Variants in KCTD16 observed in about 807,000 individuals in gnomAD.
The protein encoded by KCTD16 is BTB/POZ domain-containing protein KCTD16.
KCTD16 carries 13 observed loss-of-function variants against 33.2 expected under a neutral mutation model. The observed-to-expected ratio is 0.39, with a 90% confidence interval of 0.25 to 0.62. The LOEUF (loss-of-function observed/expected upper bound fraction) is 0.62. Among genes scored for constraint, KCTD16 ranks in the 20% least tolerant of loss-of-function variants. The pLI is 0.50. For synonymous variants in KCTD16, 197 were observed against 195.3 expected (o/e 1.01, Z -0.07); for missense variants, 441 against 525.1 (o/e 0.84, Z 1.57).
intron 3 of KCTD16, among the ~76,000 whole-genome samples, chr5:144,358,087 C>A (rs1218580754): frequency 2.1e-5 from 3 of 143,790 alleles, no homozygotes; most frequent in Non-Finnish European, 4.5e-5. Context: ...CCACACCCGG[C>A]TAATTTTTTT....
chr5:144,326,601 A>T (rs574759221), intron 3 of KCTD16, among the ~76,000 whole-genome samples: 6 of 152,118 alleles, frequency 3.9e-5, no homozygotes, highest in African/African-American at 1.4e-4. Context: ...AATACCTCCC[A>T]CTATTCTCTT....
chr5:144,257,312 C>G (rs1015032988), intron 3 of KCTD16, among the ~76,000 whole-genome samples: 1 of 152,134 alleles, frequency 6.6e-6, no homozygotes. Context: ...TGTAAATGCT[C>G]AAGATGACAA....
intron 3 of KCTD16, among the ~76,000 whole-genome samples, chr5:144,382,017 TATAC>T (rs111382461): frequency 3.5e-4 from 52 of 149,872 alleles, no homozygotes; most frequent in Non-Finnish European, 5.2e-4. Context: ...AAGATGTTTA[TATAC>T]ATACATACAT....
At chr5:144,251,387 A>G (rs1295020205) in intron 3 of KCTD16, among the ~76,000 whole-genome samples, 1 of 152,172 alleles carries the variant, frequency 6.6e-6, no homozygotes, top group Non-Finnish European at 1.5e-5. Context: ...GAGATTATAA[A>G]CATAGGCTTA....
At chr5:144,295,355 G>A (rs1034354772) in intron 3 of KCTD16, among the ~76,000 whole-genome samples, 2 of 152,232 alleles carry the variant, frequency 1.3e-5, no homozygotes, top group Non-Finnish European at 2.9e-5. Context: ...AAAAGAATGT[G>A]TGTGCAAATA....
intron 2 of KCTD16, among the ~76,000 whole-genome samples, chr5:144,195,970 CAG>C (rs1218424255): frequency 1.3e-5 from 2 of 152,178 alleles, no homozygotes; most frequent in South Asian, 2.1e-4. Context: ...AAGTCAGACA[CAG>C]AGTGTTTTCC....
rs1351278348 is a variant in KCTD16 at position 144,438,836 on chromosome 5, G to C, written c.833-34824G>C. On this transcript the variant is annotated intron_variant, in intron 3 of 3. Transcript: ENST00000512467. ...AAAGCTTGTCAGGGGTGAGAGAAAG[G>C]ATGTACTTATCCTGTGTTTTTTGAC... Among the ~76,000 whole-genome samples, 8 of 152,218 alleles carry C rather than the reference G, an allele frequency of 5.3e-5. No homozygotes were observed. The South Asian group carries it at 6.2e-4, about 12-fold the overall frequency.
At chr5:144,281,735 T>G (rs1160327507) in intron 3 of KCTD16, among the ~76,000 whole-genome samples, 1 of 152,222 alleles carries the variant, frequency 6.6e-6, no homozygotes, top group Non-Finnish European at 1.5e-5. Flanking sequence ...TTCTATATTC[T>G]TGTTGATTTT....
chr5:144,333,206 A>T (rs1232889139), intron 3 of KCTD16, among the ~76,000 whole-genome samples: 1 of 152,238 alleles, frequency 6.6e-6, no homozygotes, highest in Non-Finnish European at 1.5e-5. Flanking sequence ...TAATTGCATT[A>T]TGAGCTTTAG....
At chr5:144,342,337 G>A (rs368732604) in intron 3 of KCTD16, among the ~76,000 whole-genome samples, 2 of 152,240 alleles carry the variant, frequency 1.3e-5, no homozygotes, top group East Asian at 1.9e-4. Flanking sequence ...CTTTGAAGCA[G>A]TTGTGAATGG....
chr5:144,301,273 A>ACATT (rs1312084541), intron 3 of KCTD16, among the ~76,000 whole-genome samples: 3 of 150,856 alleles, frequency 2.0e-5, no homozygotes, highest in Non-Finnish European at 4.4e-5. Context: ...ATCGTGAAGG[A>ACATT]CATTGAATGC....
rs1467921510 is a variant in KCTD16, at chr5:144,206,759, A to G, written c.45A>G (p.Gln15=). The G allele has an allele frequency of 6.2e-7, 1 of 1,614,126 alleles. No homozygotes were observed. Among genetic ancestry groups the G allele is most frequent in the Non-Finnish European group, 8.5e-7 (1 of 1,180,000 alleles). ...GNCSRYYPRE[Q]GSAVPNSFPE... is the part of the protein sequence containing the mutation. ...GTAGTCGTTATTATCCTCGAGAACA[A>G]GGGTCCGCAGTTCCCAACTCCTTCC... The change falls in exon 3 of 4, where the codon CAA becomes CAG. Residue 15 remains glutamine, a synonymous_variant. Transcript: ENST00000512467.
At chr5:144,279,183 T>C (rs975849756) in intron 3 of KCTD16, among the ~76,000 whole-genome samples, 1 of 152,242 alleles carries the variant, frequency 6.6e-6, no homozygotes, top group African/African-American at 2.4e-5. Context: ...TTTCTTGTAG[T>C]TTAAGAGCTT....
At chr5:144,367,171 T>G (rs1478109931) in intron 3 of KCTD16, among the ~76,000 whole-genome samples, 1 of 152,200 alleles carries the variant, frequency 6.6e-6, no homozygotes, top group South Asian at 2.1e-4. Context: ...AGACCAGTAA[T>G]AGATAGCCGA....
chr5:144,281,499 A>T (rs12186521), intron 3 of KCTD16, among the ~76,000 whole-genome samples: 35,498 of 152,076 alleles, frequency 0.23, 4,376 homozygotes, highest in Non-Finnish European at 0.28. Flanking sequence ...ATTTGGGGAT[A>T]TTTCAGATAT....
intron 3 of KCTD16, among the ~76,000 whole-genome samples, chr5:144,422,330 T>G (rs970743392): frequency 6.6e-6 from 1 of 152,174 alleles, no homozygotes; most frequent in African/African-American, 2.4e-5. Flanking sequence ...TGGAATGGTG[T>G]GCCATGTATT....
chr5:144,342,702 A>T (rs1299766847), intron 3 of KCTD16, among the ~76,000 whole-genome samples: 1 of 152,100 alleles, frequency 6.6e-6, no homozygotes. Context: ...TCAGTACGAT[A>T]TTGGCTGTGG....
intron 3 of KCTD16, among the ~76,000 whole-genome samples, chr5:144,276,991 C>G (rs1370623488): frequency 6.6e-6 from 1 of 152,016 alleles, no homozygotes; most frequent in African/African-American, 2.4e-5. Flanking sequence ...CAGTCATATC[C>G]TGTGTTTTAT....
chr5:144,220,868 G>A (rs972159175), intron 3 of KCTD16, among the ~76,000 whole-genome samples: 5 of 151,714 alleles, frequency 3.3e-5, no homozygotes, highest in African/African-American at 1.2e-4. Context: ...ATGAACGCAG[G>A]AGACGGAGGT....
Sources: gnomAD v4.1 joint callset for allele counts (sites outside exome capture counted in the v4.1 genomes callset) on GRCh38, gnomAD v4.1.1 for gene constraint, MANE v1.5 for transcripts, NCBI Gene and HGNC (gene_info 2026-07-23, HGNC 2026-07-21) for gene names.